FGF13: variants seen among roughly 807,000 people sequenced by gnomAD.
The protein encoded by FGF13 is fibroblast growth factor 13.
FGF13 carries 2 observed loss-of-function variants against 19.5 expected under a neutral mutation model. The observed-to-expected ratio is 0.10, with a 90% confidence interval of 0.04 to 0.32. The LOEUF (loss-of-function observed/expected upper bound fraction) is 0.32. Among genes scored for constraint, FGF13 ranks in the 10% least tolerant of loss-of-function variants. The pLI, the probability that FGF13 is intolerant of heterozygous loss-of-function variation, is 1.00. For synonymous variants in FGF13, 72 were observed against 76.9 expected, an observed-to-expected ratio of 0.94 and a Z score of 0.33; for missense variants, 113 against 192.7, an observed-to-expected ratio of 0.59 and a Z score of 2.45.
intron 1 of FGF13, among the ~76,000 whole-genome samples, chrX:139,161,815 G>C (rs746326955): frequency 1.4e-4 from 16 of 111,553 alleles, no homozygotes; most frequent in Non-Finnish European, 2.4e-4. Context: ...GCTACAAAGA[G>C]AATAAAATAG....
chrX:139,154,064 T>C (rs1021414897), intron 1 of FGF13, among the ~76,000 whole-genome samples: 1 of 111,799 alleles, frequency 8.9e-6, no homozygotes, highest in Non-Finnish European at 1.9e-5. Context: ...ACAACAATTC[T>C]AGGAAATAAA....
chrX:138,985,118 A>G (rs776323805), intron 1 of FGF13: 84 of 353,994 alleles, frequency 2.4e-4, no homozygotes, highest in African/African-American at 1.9e-3. Context: ...CAAAACATCA[A>G]CATCCTCCAT....
chrX:138,984,589 A>AGAAGAAGAAGAAGAAGAAGAG (rs1569436186), intron 1 of FGF13, among the ~76,000 whole-genome samples: 4 of 17,027 alleles, frequency 2.3e-4, no homozygotes, highest in African/African-American at 6.0e-4. Flanking sequence ...AAGAAGAAGA[A>AGAAGAAGAAGAAGAAGAAGAG]GGAGGAGGAG....
At chrX:139,201,907 C>G in intron 1 of FGF13, among the ~76,000 whole-genome samples, 1 of 111,515 alleles carries the variant, frequency 9.0e-6, no homozygotes, top group Non-Finnish European at 1.9e-5. Flanking sequence ...CCCATCTTCT[C>G]GGGGAAGTAA....
intron 3 of FGF13, among the ~76,000 whole-genome samples, chrX:138,683,960 T>C (rs1383933501): frequency 9.0e-6 from 1 of 111,292 alleles, no homozygotes; most frequent in Non-Finnish European, 1.9e-5. Flanking sequence ...CATGAAAGAC[T>C]CATTAGAAAC....
rs1369766175 is a variant in FGF13, at chrX:138,617,553, G to A, written c.*15297C>T. 8.9e-6 allele frequency: 1 copy of A among 111,962 alleles called. No individual in the cohort carries two copies. Among genetic ancestry groups the A allele is most frequent in the African/African-American group, 3.2e-5 (1 of 30,840 alleles). 9.2% of individuals were successfully genotyped at this position (111,962 alleles called of 1,213,427 possible). A position where few individuals can be genotyped will look rare whatever the true frequency, so the allele number is the denominator to read the frequency against. ...ATTGTAAGGTAAACTGAAAGAAGCT[G>A]TGTAAAAGAACCAAGGATCATCATG... On this transcript the variant is annotated 3_prime_UTR_variant, in exon 5 of 5. Coordinates refer to ENST00000315930, the MANE Select transcript of FGF13 (RefSeq NM_004114.5).
intron 1 of FGF13, among the ~76,000 whole-genome samples, chrX:139,071,635 T>C (rs1293460380): frequency 8.9e-6 from 1 of 111,865 alleles, no homozygotes; most frequent in African/African-American, 3.2e-5. Flanking sequence ...TTCTTTGTTT[T>C]AATAAATTTC....
chrX:139,139,363 A>G lies in FGF13; in HGVS notation c.-113+64053T>C, dbSNP rs140306780. Among the ~76,000 whole-genome samples the G allele has an allele frequency of 7.1e-3, 795 of 112,571 alleles. 8 individuals carry two copies. Among genetic ancestry groups the G allele is most frequent in the Non-Finnish European group, 0.012 (628 of 53,344 alleles). On this transcript the variant is annotated intron_variant, in intron 1 of 2. Coordinates refer to the FGF13 transcript ENST00000421460. Reference sequence around the variant, plus strand: ...CCACAAAAATAGGTATGAGTTATGCATCTTCATGTGCACACAGAAATGCTT... The same window carrying G: ...CCACAAAAATAGGTATGAGTTATGCGTCTTCATGTGCACACAGAAATGCTT...
At chrX:138,762,748 T>C (rs1177347226) in intron 3 of FGF13, among the ~76,000 whole-genome samples, 1 of 112,145 alleles carries the variant, frequency 8.9e-6, no homozygotes, top group Non-Finnish European at 1.9e-5. Context: ...TTGATAGGCA[T>C]ATTGCAAGAA....
chrX:138,982,977 A>G (rs1405091206), intron 1 of FGF13, among the ~76,000 whole-genome samples: 1 of 111,926 alleles, frequency 8.9e-6, no homozygotes, highest in African/African-American at 3.2e-5. Flanking sequence ...GTTTTTTGCT[A>G]TTCAGTTGTA....
At chrX:138,924,046 G>T (rs5976226) in intron 1 of FGF13, among the ~76,000 whole-genome samples, 2,423 of 111,931 alleles carry the variant, frequency 0.022, 64 homozygotes, top group African/African-American at 0.073. Context: ...GTTGCAAATG[G>T]AAAGTTCCTT....
chrX:139,090,374 T>A (rs1238216232), intron 1 of FGF13, among the ~76,000 whole-genome samples: 4 of 111,294 alleles, frequency 3.6e-5, no homozygotes, highest in Non-Finnish European at 5.7e-5. Flanking sequence ...CAAAGACTCA[T>A]GGAGTGCTTA....
intron 3 of FGF13, among the ~76,000 whole-genome samples, chrX:138,687,864 C>A (rs1037053579): frequency 9.0e-6 from 1 of 111,322 alleles, no homozygotes; most frequent in South Asian, 3.8e-4. Context: ...CTGGATGGAA[C>A]TGGAGGTCAT....
At chrX:138,867,046 A>C (rs2124158537) in intron 1 of FGF13, among the ~76,000 whole-genome samples, 1 of 111,379 alleles carries the variant, frequency 9.0e-6, no homozygotes, top group Non-Finnish European at 1.9e-5. Flanking sequence ...TTTAATTCCT[A>C]ACAAGGTCAC....
At chrX:139,138,276 T>C (rs1374626746) in intron 1 of FGF13, among the ~76,000 whole-genome samples, 3 of 111,848 alleles carry the variant, frequency 2.7e-5, no homozygotes, top group Non-Finnish European at 1.9e-5. Context: ...GTGCTAGCAG[T>C]GGGATTCAAA....
intron 3 of FGF13, among the ~76,000 whole-genome samples, chrX:138,754,118 T>C (rs763128906): frequency 4.5e-5 from 5 of 112,060 alleles, no homozygotes. Context: ...AACTGGAATT[T>C]TGAGTAGAAG....
At chrX:138,900,449 C>A (rs956044997) in intron 1 of FGF13, among the ~76,000 whole-genome samples, 3 of 110,622 alleles carry the variant, frequency 2.7e-5, no homozygotes, top group Non-Finnish European at 5.7e-5. Flanking sequence ...TCCCACACAC[C>A]CTCAATTCCA....
At chrX:138,898,739 C>A (rs2091516489) in intron 1 of FGF13, among the ~76,000 whole-genome samples, 1 of 111,812 alleles carries the variant, frequency 8.9e-6, no homozygotes, top group Non-Finnish European at 1.9e-5. Context: ...TTTCTTTTAA[C>A]ATCTTCATAA....
At chrX:139,033,180 G>A (rs1405272832) in intron 1 of FGF13, among the ~76,000 whole-genome samples, 1 of 110,532 alleles carries the variant, frequency 9.0e-6, no homozygotes, top group African/African-American at 3.3e-5. Flanking sequence ...TGGAGTTTCT[G>A]GCAACTATTG....
Sources: allele counts gnomAD v4.1 joint callset (sites outside exome capture counted in the v4.1 genomes callset), GRCh38; gene constraint gnomAD v4.1.1; transcripts MANE v1.5; gene names NCBI Gene and HGNC (gene_info 2026-07-23, HGNC 2026-07-21).